The following SECISBP2L variants were observed in gnomAD, a reference collection of about 807,000 sequenced individuals.
SECISBP2L encodes the protein SECIS binding protein 2 like.
SECISBP2L carries 43 observed loss-of-function variants against 114.7 expected under a neutral mutation model. The observed-to-expected ratio is 0.38, with a 90% confidence interval of 0.29 to 0.48. The LOEUF is 0.48. Ranked by LOEUF, SECISBP2L falls within the 20% of genes least tolerant of loss-of-function variation. The pLI, the probability that SECISBP2L is intolerant of heterozygous loss-of-function variation, is 0.98. For synonymous variants in SECISBP2L, 451 were observed against 439.7 expected, an observed-to-expected ratio of 1.03 and a Z score of -0.32; for missense variants, 1,136 against 1,301.1, an observed-to-expected ratio of 0.87 and a Z score of 1.95.
At chr15:49,040,572 G>A (rs1490684184) in intron 1 of SECISBP2L, among the ~76,000 whole-genome samples, 1 of 104,856 alleles carries the variant, frequency 9.5e-6, no homozygotes, top group Non-Finnish European at 1.7e-5. Context: ...GTCTTGCTCT[G>A]TGGCCCAGGC....
At chr15:49,028,225 T>C in intron 5 of SECISBP2L, 57 bp from the exon 6 acceptor site, 1 of 1,435,234 alleles carries the variant, frequency 7.0e-7, no homozygotes, top group Non-Finnish European at 9.5e-7. Context: ...CATTATGTAC[T>C]TTGCTAAATG....
intron 14 of SECISBP2L, among the ~76,000 whole-genome samples, chr15:49,006,169 C>T (rs1016050043): frequency 2.6e-4 from 40 of 152,276 alleles, no homozygotes; most frequent in Middle Eastern, 3.4e-3. Context: ...TTCTCTCTGG[C>T]TGCCTTTAAC....
intron 14 of SECISBP2L, among the ~76,000 whole-genome samples, chr15:49,007,835 G>A (rs1344737919): frequency 6.6e-6 from 1 of 152,150 alleles, no homozygotes; most frequent in Non-Finnish European, 1.5e-5. Context: ...GGCCTCAAGA[G>A]TGCCTAGAGC....
rs916368513 is a variant in SECISBP2L, at chr15:49,012,914, A to G, written c.1562-97T>C. 16 of 1,263,732 alleles carry G rather than the reference A, an allele frequency of 1.3e-5. No individual in the cohort carries two copies. The African/African-American group carries it at 1.5e-4, about 12-fold the overall frequency. 78.3% of individuals were successfully genotyped at this position (1,263,732 alleles called of 1,614,324 possible). On this transcript the variant is annotated intron_variant, in intron 11 of 17. Transcript: ENST00000559471. Reference sequence around the variant, plus strand: ...ACAAAAACAAGAACATCCTCCTCCCATGGAAAAAACGACATCATAACAGTA... The same window carrying G: ...ACAAAAACAAGAACATCCTCCTCCCGTGGAAAAAACGACATCATAACAGTA...
rs1412392488 is a variant in SECISBP2L at position 48,991,500 on chromosome 15, G to A, written c.*744C>T. The A allele has an allele frequency of 6.6e-6, 1 of 152,658 alleles. No homozygotes were observed. The highest frequency in any genetic ancestry group is 2.1e-4 in the South Asian group (1 of 4,828). 9.5% of individuals were successfully genotyped at this position (152,658 alleles called of 1,614,324 possible). On this transcript the variant is annotated 3_prime_UTR_variant, in exon 18 of 18. Transcript: ENST00000559471. Reference sequence around the variant, plus strand: ...TTTTTGTAAATAAGTCTATGTACAAGAGCATTCCTGAGGTAAGTAAGAAGC... The same window carrying A: ...TTTTTGTAAATAAGTCTATGTACAAAAGCATTCCTGAGGTAAGTAAGAAGC...
In SECISBP2L at chr15:48,993,100, AGTGTGTGT is replaced by A. The variant is rs71120653; in HGVS notation, c.2624-182_2624-175del. On this transcript the variant is annotated intron_variant, in intron 17 of 17. Coordinates refer to ENST00000559471, the MANE Select transcript of SECISBP2L (RefSeq NM_001193489.2). ...TAGTACTAGTTTGAGACAGAGAGAG[AGTGTGTGT>A]GTGTGTGTGTGTGTGTGTGTGTGTG... 2.6e-3 allele frequency among the ~76,000 whole-genome samples: 360 copies of A among 139,218 alleles called. 7 individuals carry two copies. In the East Asian group the frequency reaches 0.063, roughly 24 times the overall value. 91.3% of individuals were successfully genotyped at this position (139,218 alleles called of 152,430 possible).
chr15:49,028,194 T>C, intron 5 of SECISBP2L, 26 bp from the exon 6 acceptor site: 1 of 1,559,104 alleles, frequency 6.4e-7, no homozygotes, highest in East Asian at 2.3e-5. Context: ...AAAAGACAAT[T>C]ATACTCTACT....
At chr15:48,995,564 G>A (rs753521867) in intron 17 of SECISBP2L, among the ~76,000 whole-genome samples, 2 of 151,814 alleles carry the variant, frequency 1.3e-5, no homozygotes, top group Non-Finnish European at 2.9e-5. Context: ...AAAAAAGAAC[G>A]AACAAAGAGC....
At position 49,046,404 on chromosome 15, in the gene SECISBP2L, G is replaced by GA; in HGVS notation, c.-106_-105insT. 2.4e-6 allele frequency: 3 copies of GA among 1,241,326 alleles called. No individual in the cohort carries two copies. Among genetic ancestry groups the GA allele is most frequent in the Non-Finnish European group, 3.2e-6 (3 of 942,836 alleles). 76.9% of individuals were successfully genotyped at this position (1,241,326 alleles called of 1,614,324 possible). ...GGTCCAGACTGGGTTCCGGACCTCC[G>GA]CCCCTATCTGGCTGGCCGCGACACC... is the stretch of plus-strand genomic sequence containing the variant. On this transcript the variant is annotated 5_prime_UTR_variant, in exon 1 of 18. Coordinates refer to ENST00000559471, the MANE Select transcript of SECISBP2L (RefSeq NM_001193489.2).
chr15:49,006,994 T>C (rs1023744967), intron 14 of SECISBP2L, among the ~76,000 whole-genome samples: 1 of 152,194 alleles, frequency 6.6e-6, no homozygotes, highest in African/African-American at 2.4e-5. Context: ...GACATCCTTT[T>C]TGTTGATGTT....
chr15:49,033,985 A>T (rs1323032762), intron 3 of SECISBP2L, among the ~76,000 whole-genome samples: 2 of 152,246 alleles, frequency 1.3e-5, no homozygotes, highest in Non-Finnish European at 2.9e-5. Context: ...AATGTATTCT[A>T]AGAAATCATG....
intron 1 of SECISBP2L, among the ~76,000 whole-genome samples, chr15:49,040,702 A>AT (rs912546170): frequency 6.1e-5 from 9 of 148,658 alleles, no homozygotes; most frequent in East Asian, 2.0e-4. Context: ...CGCCCGGCTA[A>AT]TTTTTTTTTG....
intron 17 of SECISBP2L, among the ~76,000 whole-genome samples, chr15:48,994,353 A>C (rs973426224): frequency 6.6e-6 from 1 of 152,172 alleles, no homozygotes; most frequent in African/African-American, 2.4e-5. Flanking sequence ...GTTCATTTGT[A>C]ACATCTTCGT....
intron 14 of SECISBP2L, among the ~76,000 whole-genome samples, chr15:49,003,776 CAA>C (rs1902259239): frequency 6.6e-6 from 1 of 152,170 alleles, no homozygotes; most frequent in South Asian, 2.1e-4. Context: ...GCCTTGCATC[CAA>C]GAGATGAAGC....
In SECISBP2L at chr15:49,017,020, G is replaced by C. The variant is rs752104460; in HGVS notation, c.1252-5C>G. On this transcript the variant is annotated splice_polypyrimidine_tract_variant and splice_region_variant and intron_variant, in intron 9 of 17. Coordinates refer to ENST00000559471, the MANE Select transcript of SECISBP2L (RefSeq NM_001193489.2). Reference sequence around the variant, plus strand: ...GTTTTCAGGTAAATCATCCAACTATGATAACCAGAAAAAACACATTTGTTA... The same window carrying C: ...GTTTTCAGGTAAATCATCCAACTATCATAACCAGAAAAAACACATTTGTTA... 4.4e-6 allele frequency: 7 copies of C among 1,607,204 alleles called. No homozygotes were observed. Among genetic ancestry groups the C allele is most frequent in the Non-Finnish European group, 5.9e-6 (7 of 1,177,766 alleles).
chr15:48,992,571 ATCTTCT>A lies in SECISBP2L; in HGVS notation c.2973_2978del (p.Glu991_Glu992del), dbSNP rs201240214. 8.7e-6 allele frequency: 14 copies of A among 1,613,774 alleles called. No individual in the cohort carries two copies. The highest frequency in any genetic ancestry group is 4.4e-5 in the South Asian group (4 of 91,054). ...AATCTTCCTCCTCCTCCTCATCTTC[ATCTTCT>A]TCTTCTTCAAGCATGCCAGGTACAA... is the stretch of plus-strand genomic sequence containing the variant. On this transcript the variant is annotated inframe_deletion, in exon 18 of 18. Transcript: ENST00000559471.
intron 14 of SECISBP2L, among the ~76,000 whole-genome samples, chr15:49,007,903 A>C (rs1902356331): frequency 6.6e-6 from 1 of 152,176 alleles, no homozygotes; most frequent in Non-Finnish European, 1.5e-5. Flanking sequence ...GCCAAAACCA[A>C]AGAGGTCATG....
rs114945987 is a variant in SECISBP2L at position 49,027,077 on chromosome 15, G to A, written c.1035+288C>T. The stretch of plus-strand genomic sequence containing the variant: ...CAAAATGCTTTTGAATTTTTATGTG[G>A]GAAAAAGACATGGCAAATGAAACAG... On this transcript the variant is annotated intron_variant, in intron 7 of 17. Coordinates refer to ENST00000559471, the MANE Select transcript of SECISBP2L (RefSeq NM_001193489.2). Among the ~76,000 whole-genome samples, 182 of 152,212 alleles carry A rather than the reference G, an allele frequency of 1.2e-3. 1 individual carries two copies. Among genetic ancestry groups the A allele is most frequent in the South Asian group, 5.6e-3 (27 of 4,816 alleles).
chr15:49,023,017 T>C (rs765283326), intron 7 of SECISBP2L, among the ~76,000 whole-genome samples: 12 of 127,970 alleles, frequency 9.4e-5, no homozygotes, highest in Non-Finnish European at 1.6e-4. Flanking sequence ...TAAAACCCTT[T>C]AGAAGCCATC....
Sources: allele counts gnomAD v4.1 joint callset (sites outside exome capture counted in the v4.1 genomes callset), GRCh38; gene constraint gnomAD v4.1.1; transcripts MANE v1.5; gene names NCBI Gene and HGNC (gene_info 2026-07-23, HGNC 2026-07-21).